Variants in MAN2A1 observed in about 807,000 individuals in gnomAD.
MAN2A1 encodes the protein mannosidase alpha class 2A member 1.
In MAN2A1, 76 loss-of-function variants were observed where a neutral mutation model predicts 142.6. That is an observed-to-expected ratio of 0.53 (90% CI 0.44 to 0.65). The LOEUF is 0.65. Ranked by LOEUF, MAN2A1 falls within the 30% of genes least tolerant of loss-of-function variation. MAN2A1 has a pLI of 0.00. For missense variants in MAN2A1, 1,311 were observed against 1,365.1 expected (o/e 0.96, Z 0.62); for synonymous variants, 559 against 473.2 (o/e 1.18, Z -2.35).
At position 109,704,797 on chromosome 5, in the gene MAN2A1, C is replaced by T. The variant is rs79386098; in HGVS notation, c.136-8723C>T. On this transcript the variant is annotated intron_variant, in intron 1 of 21. Transcript: ENST00000261483. ...GCAGTTCCTATATTTAGCTTTAATGCGGCGCTTCTTAACTGGGGATGTGTG... is the reference window on the plus strand; with the variant it reads ...GCAGTTCCTATATTTAGCTTTAATGTGGCGCTTCTTAACTGGGGATGTGTG... Among the ~76,000 whole-genome samples, 9 of 152,300 alleles carry T rather than the reference C, an allele frequency of 5.9e-5. No homozygotes were observed. In the East Asian group the frequency reaches 7.7e-4, roughly 13 times the overall value.
intron 16 of MAN2A1, chr5:109,840,478 A>T (rs1033841102): frequency 6.2e-6 from 3 of 480,136 alleles, no homozygotes; most frequent in Non-Finnish European, 1.2e-5. Context: ...CATCAAACCG[A>T]GAATCCAATT....
chr5:109,745,789 T>A (rs985415980), intron 4 of MAN2A1, among the ~76,000 whole-genome samples: 1 of 152,202 alleles, frequency 6.6e-6, no homozygotes, highest in Middle Eastern at 3.4e-3. Context: ...AGCCAATTTT[T>A]ATAATTTTGT....
chr5:109,776,255 A>T (rs1345672766), intron 8 of MAN2A1, among the ~76,000 whole-genome samples: 2 of 152,146 alleles, frequency 1.3e-5, no homozygotes, highest in Non-Finnish European at 2.9e-5. Context: ...TTTAGTAAGA[A>T]TTCAAGTTTA....
At chr5:109,779,746 A>G (rs1207805241) in intron 8 of MAN2A1, among the ~76,000 whole-genome samples, 3 of 152,118 alleles carry the variant, frequency 2.0e-5, no homozygotes, top group Non-Finnish European at 2.9e-5. Flanking sequence ...GATTGTTCCC[A>G]TTGTAGATGA....
chr5:109,852,540 A>G (rs1212605576), intron 19 of MAN2A1, among the ~76,000 whole-genome samples: 2 of 152,174 alleles, frequency 1.3e-5, no homozygotes, highest in African/African-American at 4.8e-5. Flanking sequence ...GTTCTGACTC[A>G]TGGACTAAGG....
rs148700960 is a variant in MAN2A1, at chr5:109,861,208, T to TA, written c.3172-3828_3172-3827insA. ...CTCACCTTAGAGATGTTCTGAGGAT[T>TA]GGAGATAATTTTAGTGTTAGTAAAG... On this transcript the variant is annotated intron_variant, in intron 20 of 21. Coordinates refer to ENST00000261483, the MANE Select transcript of MAN2A1 (RefSeq NM_002372.4). 7.7e-3 allele frequency among the ~76,000 whole-genome samples: 1,179 copies of TA among 152,264 alleles called. 17 individuals are homozygous for TA. Among genetic ancestry groups the TA allele is most frequent in the African/African-American group, 0.027 (1,116 of 41,568 alleles).
At position 109,690,572 on chromosome 5, in the gene MAN2A1, G is replaced by T; in HGVS notation, c.135+20G>T. The T allele has an allele frequency of 6.3e-7, 1 of 1,576,472 alleles. No individual in the cohort carries two copies. The highest frequency in any genetic ancestry group is 8.6e-7 in the Non-Finnish European group (1 of 1,161,938). Reference sequence around the variant, plus strand: ...CCTCAGGTAAGCACCTGGGAAGGGGGCGCGGGGCTCCGAGGGGCCAGGCGT... The same window carrying T: ...CCTCAGGTAAGCACCTGGGAAGGGGTCGCGGGGCTCCGAGGGGCCAGGCGT... On this transcript the variant is annotated intron_variant, in intron 1 of 21. Coordinates refer to ENST00000261483, the MANE Select transcript of MAN2A1 (RefSeq NM_002372.4).
chr5:109,797,248 A>T (rs982784037), intron 12 of MAN2A1, among the ~76,000 whole-genome samples: 3 of 152,148 alleles, frequency 2.0e-5, no homozygotes, highest in African/African-American at 7.2e-5. Flanking sequence ...CAGAGACCAG[A>T]TGAAAATTTT....
At chr5:109,778,206 A>G (rs1164826069) in intron 8 of MAN2A1, among the ~76,000 whole-genome samples, 2 of 152,020 alleles carry the variant, frequency 1.3e-5, no homozygotes. Flanking sequence ...TTTGTGTATT[A>G]ATGCAATTGA....
intron 4 of MAN2A1, among the ~76,000 whole-genome samples, chr5:109,741,008 C>A (rs1361983976): frequency 6.6e-6 from 1 of 152,000 alleles, no homozygotes; most frequent in African/African-American, 2.4e-5. Flanking sequence ...ATGCATCAGT[C>A]CAATATTACA....
chr5:109,779,643 A>G (rs1165568658), intron 8 of MAN2A1, among the ~76,000 whole-genome samples: 1 of 152,090 alleles, frequency 6.6e-6, no homozygotes, highest in African/African-American at 2.4e-5. Flanking sequence ...AGTGTTAGCT[A>G]AAACATATTG....
chr5:109,774,789 G>A lies in MAN2A1; in HGVS notation c.1198G>A (p.Ala400Thr). The A allele has an allele frequency of 6.3e-7, 1 of 1,595,542 alleles. No homozygotes were observed. The highest frequency in any genetic ancestry group is 1.8e-5 in the Admixed American group (1 of 56,718). ...TIHPGNVQSR[A>T]RMLLDQYRKK... ...TTTTTGTGTTTGTTTTTTTTGTAGG[G>A]CTCGGATGCTACTAGATCAGTACCG... The change falls in exon 8 of 22, where the codon GCT (alanine) becomes ACT (threonine). Residue 400 changes from alanine to threonine, a missense_variant and splice_region_variant. Ala to Thr is a moderately conservative substitution (Grantham distance 58). Around this residue, in one of 3 missense-constraint regions of MAN2A1, gnomAD observed 890 missense variants for 920.5 expected, o/e 0.97. Transcript: ENST00000261483.
At chr5:109,747,446 G>A (rs1008567863) in intron 4 of MAN2A1, among the ~76,000 whole-genome samples, 6 of 152,006 alleles carry the variant, frequency 3.9e-5, no homozygotes, top group Admixed American at 3.9e-4. Flanking sequence ...ATAATGTTCT[G>A]TCACTGTATG....
Position 109,855,195 on chromosome 5 carries a change from C to T in MAN2A1, c.3032C>T (p.Ser1011Phe), listed in dbSNP as rs780511613. The T allele has an allele frequency of 6.2e-7, 1 of 1,603,300 alleles. No homozygotes were observed. The highest frequency in any genetic ancestry group is 8.5e-7 in the Non-Finnish European group (1 of 1,176,708). ...YPSLLSHITSSLMNHPVIPMA... is the reference protein window; with the variant it reads ...YPSLLSHITSFLMNHPVIPMA... ...TCTCTCCTTAGCCACATAACTTCTT[C>T]TCTCATGAATCATCCAGTCATTCCA... The change falls in exon 20 of 22, where the codon TCT (serine) becomes TTT (phenylalanine). Residue 1011 changes from serine (S) to phenylalanine (F), a missense_variant. By Grantham distance (155) the Ser-to-Phe change is radical (BLOSUM62 -2). This residue lies in a region of MAN2A1 where 890 missense variants were observed against 920.5 expected (regional missense o/e 0.97). Transcript: ENST00000261483.
chr5:109,749,855 G>T (rs1170087749), intron 4 of MAN2A1, among the ~76,000 whole-genome samples: 1 of 151,978 alleles, frequency 6.6e-6, no homozygotes, highest in East Asian at 1.9e-4. Context: ...ACTTGGAAGT[G>T]CCTGTATTCA....
In MAN2A1 at chr5:109,841,153, A is replaced by G. The variant is rs374604154; in HGVS notation, c.2567-1175A>G. 9.2e-5 allele frequency among the ~76,000 whole-genome samples: 14 copies of G among 152,318 alleles called. 1 individual carries two copies. The highest frequency in any genetic ancestry group is 2.6e-4 in the Admixed American group (4 of 15,302). On this transcript the variant is annotated intron_variant, in intron 16 of 21. Coordinates refer to ENST00000261483, the MANE Select transcript of MAN2A1 (RefSeq NM_002372.4). ...TATCTCTCTCGCACCGTTTTTAAAAAAAATTTCCATAGGTTATTGGGGTAC... is the reference window on the plus strand; with the variant it reads ...TATCTCTCTCGCACCGTTTTTAAAAGAAATTTCCATAGGTTATTGGGGTAC...
chr5:109,784,385 C>A (rs887094065), intron 9 of MAN2A1, among the ~76,000 whole-genome samples: 2 of 152,062 alleles, frequency 1.3e-5, no homozygotes, highest in Non-Finnish European at 2.9e-5. Flanking sequence ...GTGTGTGTTG[C>A]TCTTGGAGAG....
At chr5:109,721,072 T>C (rs1751589689) in intron 3 of MAN2A1, among the ~76,000 whole-genome samples, 1 of 150,734 alleles carries the variant, frequency 6.6e-6, no homozygotes, top group African/African-American at 2.5e-5. Flanking sequence ...TTTTTTACTT[T>C]GTGTGATTTT....
rs182899410 is a variant in MAN2A1 at position 109,709,611 on chromosome 5, T to C, written c.136-3909T>C. Among the ~76,000 whole-genome samples, 7 of 152,312 alleles carry C rather than the reference T, an allele frequency of 4.6e-5. No homozygotes were observed. The East Asian group carries it at 1.2e-3, about 25-fold the overall frequency. ...GGATTTAGCTGTAGATACACATTGA[T>C]TGATTTTGTTCATAGGACTGAGTGG... On this transcript the variant is annotated intron_variant, in intron 1 of 21. Transcript: ENST00000261483.
Sources: gnomAD v4.1 joint callset for allele counts (sites outside exome capture counted in the v4.1 genomes callset) on GRCh38, gnomAD v4.1.1 for gene constraint, gnomAD v4.1.1 regional missense constraint, MANE v1.5 for transcripts, NCBI Gene and HGNC (gene_info 2026-07-23, HGNC 2026-07-21) for gene names.